ATAD2B: variants seen among roughly 807,000 people sequenced by gnomAD.
The protein encoded by ATAD2B is ATPase family AAA domain-containing protein 2B.
A neutral mutation model predicts 167.6 loss-of-function variants in ATAD2B; 40 were observed. That is an observed-to-expected ratio of 0.24 (90% CI 0.19 to 0.31). The LOEUF (loss-of-function observed/expected upper bound fraction) is 0.31. Among genes scored for constraint, ATAD2B ranks in the 10% least tolerant of loss-of-function variants. The probability of loss-of-function intolerance (pLI) is 1.00; values close to 1 mark genes in which losing one functional copy is unlikely to be tolerated. For missense variants in ATAD2B, 1,242 were observed against 1,757.2 expected, an observed-to-expected ratio of 0.71 and a Z score of 5.24; for synonymous variants, 579 against 596.5, an observed-to-expected ratio of 0.97 and a Z score of 0.43.
chr2:23,812,396 A>C (rs1303450391), intron 17 of ATAD2B, among the ~76,000 whole-genome samples: 1 of 152,184 alleles, frequency 6.6e-6, no homozygotes, highest in Non-Finnish European at 1.5e-5. Context: ...CTGAACACAA[A>C]GACTAAATAC....
chr2:23,914,174 T>C (rs1257371689), intron 1 of ATAD2B, among the ~76,000 whole-genome samples: 1 of 151,996 alleles, frequency 6.6e-6, no homozygotes, highest in Non-Finnish European at 1.5e-5. Flanking sequence ...CAGAACAACA[T>C]ACGTGAGAAC....
rs1234326448 is a variant in ATAD2B, at chr2:23,869,681, A to G, written c.1058T>C (p.Met353Thr). The change falls in exon 9 of 28, where the codon ATG (methionine) becomes ACG (threonine). Residue 353 changes from methionine to threonine, a missense_variant. By Grantham distance (81) the Met-to-Thr change is moderately conservative. Transcript: ENST00000238789. Reference sequence around the variant, plus strand: ...TACTAACCTATTTCTTGCTCTTGCCATGCTCTTTGATTTCCTTCTTTCAAA... The same window carrying G: ...TACTAACCTATTTCTTGCTCTTGCCGTGCTCTTTGATTTCCTTCTTTCAAA... ...ERFERRKSKSMARARNRCLPM... is the reference protein window; with the variant it reads ...ERFERRKSKSTARARNRCLPM... 1.3e-6 allele frequency: 2 copies of G among 1,564,344 alleles called. No individual in the cohort carries two copies. Among genetic ancestry groups the G allele is most frequent in the South Asian group, 2.3e-5 (2 of 85,198 alleles).
chr2:23,913,234 C>T (rs574644793), intron 1 of ATAD2B, among the ~76,000 whole-genome samples: 1 of 152,292 alleles, frequency 6.6e-6, no homozygotes, highest in African/African-American at 2.4e-5. Context: ...AAGAAATATA[C>T]AAACTATGTT....
chr2:23,888,749 G>A (rs1349900913), intron 2 of ATAD2B, among the ~76,000 whole-genome samples: 1 of 152,054 alleles, frequency 6.6e-6, no homozygotes, highest in Non-Finnish European at 1.5e-5. Flanking sequence ...TTTGGTTGAT[G>A]AAATAAAATT....
chr2:23,735,234 G>T, the ATAD2B span, among the ~76,000 whole-genome samples: 1 of 152,084 alleles, frequency 6.6e-6, no homozygotes, highest in African/African-American at 2.4e-5. Flanking sequence ...TTTCCAAACT[G>T]ACTTTTTGAC....
At chr2:23,812,972 T>C (rs1052291545) in intron 17 of ATAD2B, among the ~76,000 whole-genome samples, 3 of 152,212 alleles carry the variant, frequency 2.0e-5, no homozygotes, top group Admixed American at 6.5e-5. Flanking sequence ...TTTCATTTTA[T>C]TAAACAGATA....
chr2:23,782,501 C>T (rs1381797937), intron 22 of ATAD2B, among the ~76,000 whole-genome samples: 1 of 152,144 alleles, frequency 6.6e-6, no homozygotes, highest in African/African-American at 2.4e-5. Context: ...TAACATTCCA[C>T]ATAAAAGGAT....
intron 2 of ATAD2B, among the ~76,000 whole-genome samples, chr2:23,890,320 C>G (rs1339636240): frequency 6.6e-6 from 1 of 151,970 alleles, no homozygotes; most frequent in East Asian, 1.9e-4. Context: ...ATCTAGCCCC[C>G]CCGCCTTTCC....
chr2:23,924,367 T>C (rs1401363324), intron 1 of ATAD2B, among the ~76,000 whole-genome samples: 2 of 152,212 alleles, frequency 1.3e-5, no homozygotes, highest in East Asian at 1.9e-4. Context: ...TGGCAAATGC[T>C]TATTACAGAC....
chr2:23,732,604 CATAA>C, the ATAD2B span, among the ~76,000 whole-genome samples: 172 of 152,218 alleles, frequency 1.1e-3, 4 homozygotes, highest in South Asian at 0.022. Context: ...GGTGTTAATT[CATAA>C]ATAAATATTT....
the ATAD2B span, among the ~76,000 whole-genome samples, chr2:23,693,682 A>G: frequency 6.6e-6 from 1 of 152,176 alleles, no homozygotes; most frequent in African/African-American, 2.4e-5. Flanking sequence ...GTGAGAAACC[A>G]GTCACCAAAG....
chr2:23,725,868 A>G, the ATAD2B span, among the ~76,000 whole-genome samples: 2 of 152,204 alleles, frequency 1.3e-5, no homozygotes, highest in Non-Finnish European at 2.9e-5. Flanking sequence ...ACCCCAGAAA[A>G]TAAGTATCAG....
intron 6 of ATAD2B, 122 bp from the exon 7 acceptor site, chr2:23,880,877 G>A (rs1047722900): frequency 1.6e-6 from 1 of 639,196 alleles, no homozygotes; most frequent in East Asian, 2.9e-5. Context: ...TGACATTTAA[G>A]TGCCAACATA....
intron 18 of ATAD2B, among the ~76,000 whole-genome samples, chr2:23,807,112 A>T (rs1037582368): frequency 2.1e-4 from 32 of 152,156 alleles, no homozygotes; most frequent in Non-Finnish European, 4.7e-4. Flanking sequence ...TCTTGTTCCT[A>T]TATAGTGGTT....
In ATAD2B at chr2:23,884,221, T is replaced by C. The variant is rs543933052; in HGVS notation, c.784+544A>G. Among the ~76,000 whole-genome samples, 11 of 152,292 alleles carry C rather than the reference T, an allele frequency of 7.2e-5. No homozygotes were observed. In the South Asian group the frequency reaches 1.7e-3, roughly 23 times the overall value. On this transcript the variant is annotated intron_variant, in intron 6 of 27. Transcript: ENST00000238789. ...ATCAATTTATAATTCATGGGGCCAA[T>C]GTGCTGCTGTCATGTTCCCAACTCT... is the stretch of plus-strand genomic sequence containing the variant.
the ATAD2B span, among the ~76,000 whole-genome samples, chr2:23,714,326 G>A: frequency 4.4e-3 from 647 of 147,238 alleles, 4 homozygotes; most frequent in Non-Finnish European, 6.9e-3. Context: ...TGCAAGCTCC[G>A]CCTCCTGGGT....
intron 14 of ATAD2B, chr2:23,832,082 A>C (rs1455555387): frequency 8.7e-6 from 3 of 346,586 alleles, no homozygotes; most frequent in Non-Finnish European, 1.8e-5. Flanking sequence ...AAATACAATG[A>C]CGAATTTTCT....
intron 1 of ATAD2B, among the ~76,000 whole-genome samples, chr2:23,900,119 T>C (rs1700642368): frequency 6.6e-6 from 1 of 151,746 alleles, no homozygotes; most frequent in Admixed American, 6.6e-5. Flanking sequence ...CGTTTCACTG[T>C]GTTGGCCAGG....
chr2:23,926,762 G>A lies in ATAD2B; in HGVS notation c.9C>T (p.Asn3=), dbSNP rs1012477055. The stretch of plus-strand genomic sequence containing the variant: ...GAAGGCGGAGAGAGCTCTTCCGGGT[G>A]TTCACCATGGTCCAGCCAGGGGGAC... The part of the protein sequence containing the change: MV[N]TRKSSLRLLG... The change falls in exon 1 of 28, where the codon AAC becomes AAT. Residue 3 remains asparagine (N), a synonymous_variant. Transcript: ENST00000238789. 3 of 1,542,034 alleles carry A rather than the reference G, an allele frequency of 1.9e-6. No homozygotes were observed. The highest frequency in any genetic ancestry group is 2.6e-6 in the Non-Finnish European group (3 of 1,143,380).
Sources: gnomAD v4.1 joint callset for allele counts (sites outside exome capture counted in the v4.1 genomes callset) on GRCh38, gnomAD v4.1.1 for gene constraint, MANE v1.5 for transcripts, NCBI Gene and HGNC (gene_info 2026-07-23, HGNC 2026-07-21) for gene names.